UBAC2: variants seen among roughly 807,000 people sequenced by gnomAD.
UBAC2 encodes ubiquitin-associated domain-containing protein 2.
Under a neutral mutation model 44.0 loss-of-function variants are expected in UBAC2, and 26 were observed. That is an observed-to-expected ratio of 0.59 (90% CI 0.43 to 0.82). The LOEUF is 0.82. Among genes scored for constraint, UBAC2 ranks in the 40% least tolerant of loss-of-function variants. UBAC2 has a pLI of 0.00. For missense variants in UBAC2, 329 were observed against 419.4 expected (o/e 0.78, Z 1.88); for synonymous variants, 155 against 154.3 (o/e 1.00, Z -0.04).
intron 4 of UBAC2, among the ~76,000 whole-genome samples, chr13:99,267,406 A>G (rs2043757709): frequency 6.6e-6 from 1 of 152,150 alleles, no homozygotes; most frequent in African/African-American, 2.4e-5. Context: ...GATAAGGATG[A>G]ATTTCATAGC....
chr13:99,229,447 G>C (rs2043148652), intron 1 of UBAC2, among the ~76,000 whole-genome samples: 1 of 152,206 alleles, frequency 6.6e-6, no homozygotes, highest in Non-Finnish European at 1.5e-5. Context: ...TGCAGCAAAG[G>C]CTCCTGAGAA....
At position 99,201,519 on chromosome 13, in the gene UBAC2, G is replaced by T. The variant is rs1046818247; in HGVS notation, c.31+580G>T. Reference sequence around the variant, plus strand: ...GAAGTCGTGGCGAGGGAGCGCAGCTGTGCTGCTGGATGTTGCTGTTTTCCT... The same window carrying T: ...GAAGTCGTGGCGAGGGAGCGCAGCTTTGCTGCTGGATGTTGCTGTTTTCCT... On this transcript the variant is annotated intron_variant, in intron 1 of 8. Coordinates refer to ENST00000403766, the MANE Select transcript of UBAC2 (RefSeq NM_001144072.2). The T allele has an allele frequency of 5.0e-6, 8 of 1,614,108 alleles. No individual in the cohort carries two copies. In the Admixed American group the frequency reaches 6.7e-5, roughly 13 times the overall value.
chr13:99,343,718 G>A (rs1211478378), intron 7 of UBAC2, among the ~76,000 whole-genome samples: 2 of 152,196 alleles, frequency 1.3e-5, no homozygotes, highest in Non-Finnish European at 2.9e-5. Context: ...CCAAACCTGA[G>A]CACTTAGCCT....
At chr13:99,226,872 C>G (rs899285687) in intron 1 of UBAC2, among the ~76,000 whole-genome samples, 35 of 152,162 alleles carry the variant, frequency 2.3e-4, no homozygotes, top group Middle Eastern at 3.2e-3. Flanking sequence ...ATCCACATTA[C>G]AAGAAGGTTT....
At chr13:99,305,936 C>T (rs1334576077) in intron 4 of UBAC2, among the ~76,000 whole-genome samples, 1 of 152,098 alleles carries the variant, frequency 6.6e-6, no homozygotes, top group Admixed American at 6.6e-5. Flanking sequence ...CGCATGGTCG[C>T]CCAGGCTAGA....
intron 1 of UBAC2, among the ~76,000 whole-genome samples, chr13:99,228,429 A>G (rs1160523080): frequency 6.6e-6 from 1 of 151,386 alleles, no homozygotes; most frequent in Non-Finnish European, 1.5e-5. Context: ...CTGGGATTAC[A>G]GGCTCCCCCG....
Position 99,267,621 on chromosome 13 carries a change from T to G in UBAC2, c.389+22997T>G, listed in dbSNP as rs763771061. Among the ~76,000 whole-genome samples the G allele has an allele frequency of 5.9e-5, 9 of 152,236 alleles. No homozygotes were observed. The South Asian group carries it at 1.4e-3, about 25-fold the overall frequency. ...GTCTGCTCACTTCAGAGCCTTCCAC[T>G]TGCTACTGCTGCTTTCTTATGCTCT... On this transcript the variant is annotated intron_variant, in intron 4 of 8. Transcript: ENST00000403766.
At chr13:99,256,988 C>G (rs2043573247) in intron 4 of UBAC2, among the ~76,000 whole-genome samples, 1 of 152,146 alleles carries the variant, frequency 6.6e-6, no homozygotes, top group South Asian at 2.1e-4. Context: ...GATTTGCTGT[C>G]TGTGGTCAGT....
chr13:99,203,299 G>A (rs1042287411), intron 1 of UBAC2, among the ~76,000 whole-genome samples: 55 of 152,302 alleles, frequency 3.6e-4, no homozygotes, highest in African/African-American at 1.2e-3. Flanking sequence ...GCCTCCAAAA[G>A]TGCTGGGATT....
intron 6 of UBAC2, among the ~76,000 whole-genome samples, chr13:99,322,626 G>A (rs2044583300): frequency 6.6e-6 from 1 of 152,076 alleles, no homozygotes; most frequent in Non-Finnish European, 1.5e-5. Context: ...TACTTGTCAT[G>A]TACAGTATAT....
At position 99,238,481 on chromosome 13, in the gene UBAC2, T is replaced by C; in HGVS notation, c.86T>C (p.Leu29Pro). 1 of 1,614,042 alleles carries C rather than the reference T, an allele frequency of 6.2e-7. No individual in the cohort carries two copies. Among genetic ancestry groups the C allele is most frequent in the Non-Finnish European group, 8.5e-7 (1 of 1,179,918 alleles). The change falls in exon 2 of 9, where the codon CTG becomes CCG. Residue 29 changes from leucine (L) to proline (P), a missense_variant. Coordinates refer to ENST00000403766, the MANE Select transcript of UBAC2 (RefSeq NM_001144072.2). ...LLLVPSALSL[L>P]LALLLPHCQK... ...CTGGTCCCCAGTGCCCTCTCCCTCC[T>C]GCTCGCCCTCCTCCTGCCTCACTGC...
chr13:99,283,110 T>C (rs1360125716), intron 4 of UBAC2, among the ~76,000 whole-genome samples: 1 of 152,236 alleles, frequency 6.6e-6, no homozygotes, highest in Non-Finnish European at 1.5e-5. Flanking sequence ...CAGTCATGGG[T>C]ACACCAGAGC....
intron 1 of UBAC2, chr13:99,201,565 C>G (rs1566443274): frequency 4.3e-6 from 7 of 1,613,884 alleles, no homozygotes; most frequent in Non-Finnish European, 5.9e-6. Flanking sequence ...CGGTGGTCAG[C>G]AGGTAGGGGG....
At chr13:99,236,720 G>GA (rs1566460521) in intron 1 of UBAC2, among the ~76,000 whole-genome samples, 5 of 152,056 alleles carry the variant, frequency 3.3e-5, no homozygotes, top group Admixed American at 1.3e-4. Flanking sequence ...CATGGTGGTG[G>GA]GTGCCTGTAA....
intron 4 of UBAC2, among the ~76,000 whole-genome samples, chr13:99,250,871 C>G (rs967568928): frequency 2.6e-5 from 4 of 152,176 alleles, no homozygotes; most frequent in African/African-American, 7.2e-5. Flanking sequence ...CTCAGCCTCC[C>G]GAGTAGCTGG....
chr13:99,288,750 T>G lies in UBAC2; in HGVS notation c.390-25347T>G, dbSNP rs558107667. Among the ~76,000 whole-genome samples the G allele has an allele frequency of 4.6e-5, 7 of 152,380 alleles. No homozygotes were observed. The South Asian group carries it at 1.4e-3, about 32-fold the overall frequency. ...TTAGCATTTTAGTACCAAGCAAGTA[T>G]TAGTTATCTGTTGCTGCCTAACAAA... On this transcript the variant is annotated intron_variant, in intron 4 of 8. Transcript: ENST00000403766.
intron 1 of UBAC2, among the ~76,000 whole-genome samples, chr13:99,219,446 A>G (rs1474439634): frequency 1.3e-5 from 2 of 152,220 alleles, no homozygotes; most frequent in East Asian, 3.8e-4. Flanking sequence ...AGAACATTTT[A>G]TCACGCCAGA....
chr13:99,312,302 C>T (rs973885192), intron 4 of UBAC2, among the ~76,000 whole-genome samples: 3 of 152,142 alleles, frequency 2.0e-5, no homozygotes, highest in African/African-American at 2.4e-5. Flanking sequence ...GCATTTTTCT[C>T]GTGATAATGA....
intron 1 of UBAC2, among the ~76,000 whole-genome samples, chr13:99,237,269 T>TACACAC (rs1345943442): frequency 0.03 from 3,624 of 122,658 alleles, 56 homozygotes; most frequent in Non-Finnish European, 0.044. Context: ...TATATATATA[T>TACACAC]ATACACACAC....
Sources: gnomAD v4.1 joint callset for allele counts (sites outside exome capture counted in the v4.1 genomes callset) on GRCh38, gnomAD v4.1.1 for gene constraint, MANE v1.5 for transcripts, NCBI Gene and HGNC (gene_info 2026-07-23, HGNC 2026-07-21) for gene names.